CBFB: variants seen among roughly 807,000 people sequenced by gnomAD.
CBFB encodes CBF-beta.
A neutral mutation model predicts 30.4 loss-of-function variants in CBFB; 9 were observed. The ratio of observed to expected loss-of-function variants is 0.30; its 90% CI spans 0.18 to 0.52. The LOEUF (loss-of-function observed/expected upper bound fraction) is 0.52. CBFB is among the 20% of genes least tolerant of loss of function. CBFB has a pLI of 0.97. For synonymous variants in CBFB, 94 were observed against 84.0 expected, an observed-to-expected ratio of 1.12 and a Z score of -0.65; for missense variants, 170 against 244.0, an observed-to-expected ratio of 0.70 and a Z score of 2.02.
At chr16:67,092,234 A>C (rs1335319974) in intron 5 of CBFB, among the ~76,000 whole-genome samples, 1 of 152,152 alleles carries the variant, frequency 6.6e-6, no homozygotes, top group African/African-American at 2.4e-5. Context: ...TTCCAGCTTC[A>C]TCCATGTCCC....
chr16:67,035,905 C>G (rs1306684686), intron 2 of CBFB, among the ~76,000 whole-genome samples: 1 of 152,074 alleles, frequency 6.6e-6, no homozygotes, highest in East Asian at 1.9e-4. Context: ...TGCTCAAGGC[C>G]TACATAAAAT....
Position 67,029,404 on chromosome 16 carries a change from G to A in CBFB, c.-4G>A, listed in dbSNP as rs776808645. 6.4e-7 allele frequency: 1 copy of A among 1,554,470 alleles called. No homozygotes were observed. On this transcript the variant is annotated 5_prime_UTR_variant, in exon 1 of 6. Transcript: ENST00000412916. ...GCCGGCCGGCGCGGCCTCAGGGCGG[G>A]AAGATGCCGCGCGTCGTGCCCGACC... is the stretch of plus-strand genomic sequence containing the variant.
At chr16:67,070,327 C>G (rs776463791) in intron 4 of CBFB, among the ~76,000 whole-genome samples, 6 of 152,128 alleles carry the variant, frequency 3.9e-5, no homozygotes, top group Admixed American at 3.3e-4. Context: ...TCCCTTGATC[C>G]CAGGAGTTCC....
chr16:67,070,789 T>G (rs1302897173), intron 4 of CBFB, among the ~76,000 whole-genome samples: 4 of 150,492 alleles, frequency 2.7e-5, no homozygotes, highest in African/African-American at 9.8e-5. Flanking sequence ...AGGCTGAGAT[T>G]GCAATGAGCC....
At chr16:67,091,097 T>C (rs567274378) in intron 5 of CBFB, among the ~76,000 whole-genome samples, 10 of 152,200 alleles carry the variant, frequency 6.6e-5, no homozygotes, top group Non-Finnish European at 1.5e-4. Context: ...GAGAATGAAC[T>C]GGGAGTATGA....
rs58633828 is a variant in CBFB at position 67,036,237 on chromosome 16, T to C, written c.166-402T>C. Among the ~76,000 whole-genome samples the C allele has an allele frequency of 3.9e-3, 599 of 152,356 alleles. 7 individuals carry two copies. The highest frequency in any genetic ancestry group is 0.013 in the African/African-American group (555 of 41,590). On this transcript the variant is annotated intron_variant, in intron 2 of 5. Coordinates refer to ENST00000412916, the MANE Select transcript of CBFB (RefSeq NM_022845.3). ...AAGGAAAATTAAAGTGTCTCATTTA[T>C]ACAATTTTAAATTGTGGTATTCTTT... is the stretch of plus-strand genomic sequence containing the variant.
chr16:67,051,786 T>G (rs1279725926), intron 3 of CBFB, among the ~76,000 whole-genome samples: 3 of 151,380 alleles, frequency 2.0e-5, no homozygotes, highest in Non-Finnish European at 4.4e-5. Flanking sequence ...TCTCGCTCTG[T>G]TGCCCAGGCT....
intron 2 of CBFB, among the ~76,000 whole-genome samples, chr16:67,031,922 G>T (rs1680361234): frequency 6.6e-6 from 1 of 151,858 alleles, no homozygotes; most frequent in South Asian, 2.1e-4. Flanking sequence ...AAACTTCTGG[G>T]CTCAAGCGAT....
intron 3 of CBFB, among the ~76,000 whole-genome samples, chr16:67,044,447 T>G (rs1317868276): frequency 1.3e-5 from 2 of 152,222 alleles, no homozygotes; most frequent in East Asian, 3.8e-4. Flanking sequence ...GTCAAATACA[T>G]TAATGTCAGA....
At chr16:67,058,165 G>A (rs1451674949) in intron 3 of CBFB, among the ~76,000 whole-genome samples, 1 of 151,984 alleles carries the variant, frequency 6.6e-6, no homozygotes, top group East Asian at 1.9e-4. Context: ...TGTTGAGATG[G>A]AGTCTTGCTC....
chr16:67,062,326 G>A (rs1179436912), intron 3 of CBFB, among the ~76,000 whole-genome samples: 6 of 150,326 alleles, frequency 4.0e-5, no homozygotes, highest in African/African-American at 9.7e-5. Context: ...CCACCACCAC[G>A]CCTGGCTAAT....
chr16:67,040,680 A>G (rs917438684), intron 3 of CBFB, among the ~76,000 whole-genome samples: 8 of 152,246 alleles, frequency 5.3e-5, no homozygotes, highest in African/African-American at 1.9e-4. Flanking sequence ...GATCCTTAAC[A>G]GACAATATAC....
chr16:67,060,222 T>TC (rs1216540889), intron 3 of CBFB, among the ~76,000 whole-genome samples: 5 of 152,020 alleles, frequency 3.3e-5, no homozygotes, highest in Non-Finnish European at 5.9e-5. Context: ...CAAGCAGTCC[T>TC]CCCAAAGTAT....
intron 3 of CBFB, among the ~76,000 whole-genome samples, chr16:67,059,093 C>G (rs1043574080): frequency 6.6e-6 from 1 of 152,114 alleles, no homozygotes; most frequent in Non-Finnish European, 1.5e-5. Context: ...TCTCGGCTAC[C>G]TAGAAACTAT....
rs1462215794 is a variant in CBFB, at chr16:67,051,918, C to G, written c.283-14764C>G. On this transcript the variant is annotated intron_variant, in intron 3 of 5. Coordinates refer to ENST00000412916, the MANE Select transcript of CBFB (RefSeq NM_022845.3). The stretch of plus-strand genomic sequence containing the variant: ...GCATATATATATATGTGTATACACA[C>G]ACACACACACACACACACACACACA... 2.2e-5 allele frequency among the ~76,000 whole-genome samples: 3 copies of G among 136,250 alleles called. 1 individual carries two copies. The highest frequency in any genetic ancestry group is 2.0e-4 in the East Asian group (1 of 5,070). 89.4% of individuals were successfully genotyped at this position (136,250 alleles called of 152,430 possible).
chr16:67,029,720 C>G lies in CBFB; in HGVS notation c.79-7C>G. 1.9e-6 allele frequency: 3 copies of G among 1,586,200 alleles called. No homozygotes were observed. Among genetic ancestry groups the G allele is most frequent in the Non-Finnish European group, 8.6e-7 (1 of 1,167,718 alleles). On this transcript the variant is annotated splice_polypyrimidine_tract_variant and splice_region_variant and intron_variant, in intron 1 of 5. Coordinates refer to ENST00000412916, the MANE Select transcript of CBFB (RefSeq NM_022845.3). The stretch of plus-strand genomic sequence containing the variant: ...GGCTCCTGATTTCGGGCCGTCTTGC[C>G]TTGCAGATTAAGTACACGGGCTTCA...
intron 3 of CBFB, among the ~76,000 whole-genome samples, chr16:67,040,217 A>G (rs976764323): frequency 1.3e-5 from 2 of 152,226 alleles, no homozygotes; most frequent in African/African-American, 4.8e-5. Context: ...GACTGGAAGC[A>G]AAGAAAATTG....
chr16:67,051,753 G>GT (rs200753813), intron 3 of CBFB, among the ~76,000 whole-genome samples: 7,388 of 145,120 alleles, frequency 0.051, 502 homozygotes, highest in African/African-American at 0.16. Flanking sequence ...TTTTTTTTGT[G>GT]TTTTTTTTTT....
chr16:67,030,066 G>A (rs539306074), intron 2 of CBFB: 17 of 431,796 alleles, frequency 3.9e-5, no homozygotes, highest in African/African-American at 2.7e-4. Flanking sequence ...TCGAACCCGA[G>A]CCAGACTAAA....
Sources: allele counts gnomAD v4.1 joint callset (sites outside exome capture counted in the v4.1 genomes callset), GRCh38; gene constraint gnomAD v4.1.1; transcripts MANE v1.5; gene names NCBI Gene and HGNC (gene_info 2026-07-23, HGNC 2026-07-21).